The following LARP4 variants were observed in gnomAD, a reference collection of about 807,000 sequenced individuals.
The protein encoded by LARP4 is la-related protein 4.
Under a neutral mutation model 92.9 loss-of-function variants are expected in LARP4, and 29 were observed. The observed-to-expected ratio is 0.31, with a 90% CI of 0.23 to 0.43. LARP4 has a LOEUF of 0.43. Ranked by LOEUF, LARP4 falls within the 20% of genes least tolerant of loss-of-function variation. The pLI, the probability that LARP4 is intolerant of heterozygous loss-of-function variation, is 1.00. For synonymous variants in LARP4, 279 were observed against 284.1 expected (o/e 0.98, Z 0.18); for missense variants, 732 against 860.0 (o/e 0.85, Z 1.86).
At position 50,400,988 on chromosome 12, in the gene LARP4, G is replaced by C; in HGVS notation, c.-23G>C. 6.2e-7 allele frequency: 1 copy of C among 1,614,154 alleles called. No individual in the cohort carries two copies. The highest frequency in any genetic ancestry group is 1.1e-5 in the South Asian group (1 of 91,080). On this transcript the variant is annotated 5_prime_UTR_variant, in exon 1 of 16. Coordinates refer to ENST00000398473, the MANE Select transcript of LARP4 (RefSeq NM_052879.5). ...CAGTTGGAGTTGCGGCGGCGGGAACGATTGGGCTGAGCAGAGGACGACATG... is the reference window on the plus strand; with the variant it reads ...CAGTTGGAGTTGCGGCGGCGGGAACCATTGGGCTGAGCAGAGGACGACATG...
In LARP4 at chr12:50,420,108, G is replaced by C. The variant is rs182135841; in HGVS notation, c.19-7654G>C. Among the ~76,000 whole-genome samples the C allele has an allele frequency of 2.1e-3, 322 of 152,198 alleles. 1 individual carries two copies. The highest frequency in any genetic ancestry group is 7.6e-3 in the African/African-American group (314 of 41,532). On this transcript the variant is annotated intron_variant, in intron 1 of 15. Coordinates refer to ENST00000398473, the MANE Select transcript of LARP4 (RefSeq NM_052879.5). ...ACTATAAAATTAAAATGTTTGATAT[G>C]CTTAAAAGAAGAAAAAAGATGATCC...
At chr12:50,420,389 A>G (rs940420299) in intron 1 of LARP4, among the ~76,000 whole-genome samples, 2 of 152,206 alleles carry the variant, frequency 1.3e-5, no homozygotes, top group Non-Finnish European at 2.9e-5. Context: ...ATTTTATTGG[A>G]GTTTCAGAAG....
At chr12:50,441,669 C>T (rs982863139) in intron 8 of LARP4, 26 bp downstream of exon 8, 2 of 1,536,366 alleles carry the variant, frequency 1.3e-6, no homozygotes, top group Non-Finnish European at 1.8e-6. Flanking sequence ...CAGTGTGAAA[C>T]CAGAACAGGT....
chr12:50,401,237 GAGA>G (rs2136141914), intron 1 of LARP4: 2 of 635,458 alleles, frequency 3.1e-6, no homozygotes, highest in South Asian at 1.8e-5. Context: ...GCCCGTAGTG[GAGA>G]AGAATTGAAG....
chr12:50,420,119 G>C (rs140604003), intron 1 of LARP4, among the ~76,000 whole-genome samples: 1 of 152,016 alleles, frequency 6.6e-6, no homozygotes, highest in Non-Finnish European at 1.5e-5. Context: ...CTTAAAAGAA[G>C]AAAAAAGATG....
intron 6 of LARP4, 152 bp from the exon 7 acceptor site, chr12:50,440,287 C>A: frequency 1.6e-6 from 1 of 617,382 alleles, no homozygotes. Context: ...TTTGAAACAG[C>A]CCATCCTCAG....
rs373340669 is a variant in LARP4, at chr12:50,402,081, G to A, written c.18+1053G>A. 3.9e-5 allele frequency among the ~76,000 whole-genome samples: 6 copies of A among 152,080 alleles called. No homozygotes were observed. In the East Asian group the frequency reaches 1.2e-3, roughly 29 times the overall value. ...TTTCAATGAGGGAAGGAATTTACGG[G>A]TTGTATAATGAATCTAGGAGCCGGG... On this transcript the variant is annotated intron_variant, in intron 1 of 15. Coordinates refer to ENST00000398473, the MANE Select transcript of LARP4 (RefSeq NM_052879.5).
In LARP4 at chr12:50,461,254, A is replaced by C; in HGVS notation, c.1241A>C (p.Asn414Thr). 1 of 1,614,070 alleles carries C rather than the reference A, an allele frequency of 6.2e-7. No individual in the cohort carries two copies. Among genetic ancestry groups the C allele is most frequent in the Non-Finnish European group, 8.5e-7 (1 of 1,180,008 alleles). Residue 414 changes from asparagine to threonine, a missense_variant, in exon 11 of 16, where the codon AAC becomes ACC. Asn to Thr is a moderately conservative substitution (Grantham distance 65, BLOSUM62 0). Transcript: ENST00000398473. Reference sequence around the variant, plus strand: ...AGAAACTTTCCAGCTGAACGGCATAACCCCACAGTAACTGGGCATCAGGAG... The same window carrying C: ...AGAAACTTTCCAGCTGAACGGCATACCCCCACAGTAACTGGGCATCAGGAG... ...SSRNFPAERHNPTVTGHQEQT... is the reference protein window; with the variant it reads ...SSRNFPAERHTPTVTGHQEQT...
intron 10 of LARP4, among the ~76,000 whole-genome samples, chr12:50,459,050 G>A (rs958120621): frequency 2.0e-5 from 3 of 152,202 alleles, no homozygotes; most frequent in African/African-American, 4.8e-5. Flanking sequence ...CCAGGCTGGA[G>A]TGCAATGGTG....
intron 8 of LARP4, among the ~76,000 whole-genome samples, chr12:50,446,947 C>A (rs1355804250): frequency 6.6e-6 from 1 of 152,058 alleles, no homozygotes; most frequent in Non-Finnish European, 1.5e-5. Flanking sequence ...GGGTTCCTGG[C>A]CTATGGCTGT....
chr12:50,469,498 G>A (rs956752943), intron 13 of LARP4, among the ~76,000 whole-genome samples: 1 of 151,662 alleles, frequency 6.6e-6, no homozygotes, highest in Non-Finnish European at 1.5e-5. Flanking sequence ...CAGCTTCTCC[G>A]GAGGCTGAGG....
chr12:50,428,522 A>G (rs1340527409), intron 2 of LARP4, among the ~76,000 whole-genome samples: 1 of 152,104 alleles, frequency 6.6e-6, no homozygotes, highest in Non-Finnish European at 1.5e-5. Context: ...ATCTATAATA[A>G]TTATATTTAT....
At chr12:50,458,392 A>G (rs1954730361) in intron 10 of LARP4, among the ~76,000 whole-genome samples, 1 of 152,112 alleles carries the variant, frequency 6.6e-6, no homozygotes, top group African/African-American at 2.4e-5. Flanking sequence ...GGCCTCCCAA[A>G]GTGCTGGGAT....
At chr12:50,421,389 A>G (rs1215598348) in intron 1 of LARP4, 1 of 586,772 alleles carries the variant, frequency 1.7e-6, no homozygotes, top group Non-Finnish European at 2.1e-6. Flanking sequence ...CACACCTGTA[A>G]TCCCAGCACT....
intron 1 of LARP4, chr12:50,416,297 A>G (rs1029003077): frequency 1.4e-4 from 21 of 152,296 alleles, no homozygotes; most frequent in African/African-American, 4.8e-4. Flanking sequence ...CTTGTGCAAC[A>G]TTATTTTGGG....
Position 50,477,842 on chromosome 12 carries a change from A to T in LARP4, c.*1978A>T, listed in dbSNP as rs1957640918. On this transcript the variant is annotated 3_prime_UTR_variant, in exon 16 of 16. Transcript: ENST00000398473. ...GGTCCTTTAAAAAAACATATTAATC[A>T]TTGACTACATCTATGATAAAAGTGC... 6.6e-6 allele frequency: 1 copy of T among 152,540 alleles called. No individual in the cohort carries two copies. The allele number at this position is 152,540 out of a possible 1,614,324, so 9.4% of individuals were successfully genotyped here.
At chr12:50,438,812 A>G (rs1158110550) in intron 6 of LARP4, among the ~76,000 whole-genome samples, 1 of 152,238 alleles carries the variant, frequency 6.6e-6, no homozygotes, top group Non-Finnish European at 1.5e-5. Context: ...TCTAAAGCCC[A>G]TGTTTCATAA....
In LARP4 at chr12:50,424,034, C is replaced by T. The variant is rs146643620; in HGVS notation, c.19-3728C>T. On this transcript the variant is annotated intron_variant, in intron 1 of 15. Transcript: ENST00000398473. ...TTGGCCTCCCAAAGTTCTGGAATTACGGGCATGAGCCACTGCACCCGGCCA... is the reference window on the plus strand; with the variant it reads ...TTGGCCTCCCAAAGTTCTGGAATTATGGGCATGAGCCACTGCACCCGGCCA... Among the ~76,000 whole-genome samples the T allele has an allele frequency of 7.6e-3, 1,150 of 152,260 alleles. 15 individuals carry two copies. Among genetic ancestry groups the T allele is most frequent in the African/African-American group, 0.026 (1,063 of 41,560 alleles).
intron 8 of LARP4, among the ~76,000 whole-genome samples, chr12:50,452,697 A>G (rs1029790037): frequency 3.3e-5 from 5 of 152,108 alleles, no homozygotes; most frequent in Non-Finnish European, 7.3e-5. Flanking sequence ...GCATTTTTAC[A>G]TATGCCTGCA....
Sources: gnomAD v4.1 joint callset for allele counts (sites outside exome capture counted in the v4.1 genomes callset) on GRCh38, gnomAD v4.1.1 for gene constraint, MANE v1.5 for transcripts, NCBI Gene and HGNC (gene_info 2026-07-23, HGNC 2026-07-21) for gene names.